The following ARIH2 variants were observed in gnomAD, a reference collection of about 807,000 sequenced individuals.
The protein encoded by ARIH2 is ariadne RBR E3 ubiquitin protein ligase 2.
ARIH2 carries 12 observed loss-of-function variants against 79.8 expected under a neutral mutation model. That is an observed-to-expected ratio of 0.15 (90% CI 0.10 to 0.24). ARIH2 has a LOEUF of 0.24. Ranked by LOEUF, ARIH2 falls within the 10% of genes least tolerant of loss-of-function variation. ARIH2 has a pLI of 1.00. For missense variants in ARIH2, 301 were observed against 618.3 expected, an observed-to-expected ratio of 0.49 and a Z score of 5.44; for synonymous variants, 224 against 213.9, an observed-to-expected ratio of 1.05 and a Z score of -0.41.
At chr3:48,947,142 T>C (rs1285783833) in intron 3 of ARIH2, among the ~76,000 whole-genome samples, 1 of 151,802 alleles carries the variant, frequency 6.6e-6, no homozygotes, top group East Asian at 1.9e-4. Context: ...GTCAGGGAGA[T>C]CAAGAAAGCC....
At chr3:48,962,345 C>T (rs1013099137) in intron 4 of ARIH2, among the ~76,000 whole-genome samples, 1 of 151,926 alleles carries the variant, frequency 6.6e-6, no homozygotes, top group African/African-American at 2.4e-5. Context: ...CCACTGCACT[C>T]CAGCCTGGTG....
At chr3:48,936,222 G>A (rs2087096481) in intron 3 of ARIH2, among the ~76,000 whole-genome samples, 1 of 150,232 alleles carries the variant, frequency 6.7e-6, no homozygotes, top group Non-Finnish European at 1.5e-5. Flanking sequence ...CTTTGCCCTT[G>A]CTGCTCTAGG....
At chr3:48,926,438 T>G (rs1340672773) in intron 2 of ARIH2, among the ~76,000 whole-genome samples, 1 of 151,266 alleles carries the variant, frequency 6.6e-6, no homozygotes, top group Non-Finnish European at 1.5e-5. Context: ...TGCTTAATTT[T>G]TTTGTATTTT....
At chr3:48,930,315 T>C (rs897457723) in intron 3 of ARIH2, among the ~76,000 whole-genome samples, 2 of 152,186 alleles carry the variant, frequency 1.3e-5, no homozygotes, top group African/African-American at 2.4e-5. Flanking sequence ...TTTTTAAAAT[T>C]ATATTTTAAA....
intron 11 of ARIH2, among the ~76,000 whole-genome samples, chr3:48,976,404 T>C (rs574320478): frequency 1.3e-5 from 2 of 151,840 alleles, no homozygotes; most frequent in South Asian, 4.2e-4. Flanking sequence ...ATAGATGCGG[T>C]TTCACCATGT....
At chr3:48,940,808 A>AAAAAAAAATAT (rs759369585) in intron 3 of ARIH2, among the ~76,000 whole-genome samples, 12 of 98,042 alleles carry the variant, frequency 1.2e-4, no homozygotes, top group African/African-American at 1.6e-4. Flanking sequence ...AAAAAAAAAA[A>AAAAAAAAATAT]ATATATATAT....
intron 4 of ARIH2, among the ~76,000 whole-genome samples, chr3:48,962,745 A>C (rs1034819038): frequency 6.6e-6 from 1 of 152,210 alleles, no homozygotes; most frequent in Non-Finnish European, 1.5e-5. Flanking sequence ...TTGGCAATCA[A>C]AATGTCTCCA....
In ARIH2 at chr3:48,983,789, GA is replaced by G. The variant is rs2092830297; in HGVS notation, c.*520del. 1 of 159,982 alleles carries G rather than the reference GA, an allele frequency of 6.3e-6. No individual in the cohort carries two copies. The highest frequency in any genetic ancestry group is 1.8e-4 in the South Asian group (1 of 5,468). The allele number at this position is 159,982 out of a possible 1,614,324, so 9.9% of individuals were successfully genotyped here. A position where few individuals can be genotyped will look rare whatever the true frequency, so the allele number is the denominator to read the frequency against. On this transcript the variant is annotated 3_prime_UTR_variant, in exon 16 of 16. Coordinates refer to ENST00000356401, the MANE Select transcript of ARIH2 (RefSeq NM_006321.4). ...TGCTTTCCATATTCACGTTTGGCCA[GA>G]GTTGTAGTCCCAAAGAAGAGCATGG...
chr3:48,923,805 G>A (rs1410807734), intron 2 of ARIH2, among the ~76,000 whole-genome samples: 1 of 151,968 alleles, frequency 6.6e-6, no homozygotes, highest in East Asian at 1.9e-4. Flanking sequence ...ACAGGTGTGA[G>A]CCACCGCGCC....
intron 3 of ARIH2, among the ~76,000 whole-genome samples, chr3:48,932,396 A>G (rs2086494511): frequency 6.6e-6 from 1 of 152,238 alleles, no homozygotes; most frequent in South Asian, 2.1e-4. Flanking sequence ...GTCTTTAAAG[A>G]AAACAAAGTT....
chr3:48,948,316 T>C (rs2089487011), intron 3 of ARIH2, among the ~76,000 whole-genome samples: 1 of 151,950 alleles, frequency 6.6e-6, no homozygotes, highest in Non-Finnish European at 1.5e-5. Flanking sequence ...TTGCCCAGGC[T>C]GGAGTGCAAT....
intron 3 of ARIH2, among the ~76,000 whole-genome samples, chr3:48,949,936 T>TA (rs1359967280): frequency 6.6e-6 from 1 of 152,024 alleles, no homozygotes; most frequent in Non-Finnish European, 1.5e-5. Flanking sequence ...TTATCTTTAT[T>TA]TTCTTTTTTT....
chr3:48,945,144 T>C (rs1307933253), intron 3 of ARIH2: 1 of 1,289,840 alleles, frequency 7.8e-7, no homozygotes, highest in Non-Finnish European at 1.0e-6. Context: ...AGGCCGTTGA[T>C]GCTCACTGCC....
rs374463619 is a variant in ARIH2 at position 48,963,209 on chromosome 3, T to C, written c.323+1530T>C. 3.0e-3 allele frequency among the ~76,000 whole-genome samples: 452 copies of C among 152,254 alleles called. 4 individuals are homozygous for C. The highest frequency in any genetic ancestry group is 9.9e-3 in the African/African-American group (412 of 41,556). On this transcript the variant is annotated intron_variant, in intron 4 of 15. Coordinates refer to ENST00000356401, the MANE Select transcript of ARIH2 (RefSeq NM_006321.4). ...ATCCTGTGTACTCAAGAACGGAATA[T>C]ATTTAGATGGAATTGCAGATGAACT... is the stretch of plus-strand genomic sequence containing the variant.
intron 2 of ARIH2, among the ~76,000 whole-genome samples, 178 bp downstream of exon 2, chr3:48,922,989 C>T (rs568015825): frequency 6.6e-6 from 1 of 152,080 alleles, no homozygotes; most frequent in East Asian, 1.9e-4. Flanking sequence ...GGGCGGATCA[C>T]GAGGTCAGGA....
intron 11 of ARIH2, among the ~76,000 whole-genome samples, chr3:48,978,685 C>G (rs775457293): frequency 1.1e-4 from 16 of 151,526 alleles, no homozygotes; most frequent in Non-Finnish European, 2.2e-4. Flanking sequence ...ATTTGCCAGG[C>G]GCAGTGGCTC....
At chr3:48,972,690 G>A (rs2092303631) in intron 8 of ARIH2, among the ~76,000 whole-genome samples, 1 of 152,080 alleles carries the variant, frequency 6.6e-6, no homozygotes, top group South Asian at 2.1e-4. Flanking sequence ...TGCCTAGGTT[G>A]GTTGGTCTCA....
intron 3 of ARIH2, among the ~76,000 whole-genome samples, chr3:48,939,523 C>T (rs56184483): frequency 2.0e-5 from 3 of 151,418 alleles, no homozygotes; most frequent in South Asian, 2.1e-4. Context: ...TTTGGGAGGC[C>T]GAGGCGGGTG....
chr3:48,980,583 A>G (rs2107693561), intron 13 of ARIH2, 87 bp downstream of exon 13: 1 of 1,494,928 alleles, frequency 6.7e-7, no homozygotes, highest in Non-Finnish European at 9.1e-7. Flanking sequence ...CTCTGTTGAA[A>G]GAGGGTATTT....
Sources: gnomAD v4.1 joint callset for allele counts (sites outside exome capture counted in the v4.1 genomes callset) on GRCh38, gnomAD v4.1.1 for gene constraint, MANE v1.5 for transcripts, NCBI Gene and HGNC (gene_info 2026-07-23, HGNC 2026-07-21) for gene names.